Variants in EPS8 observed in about 807,000 individuals in gnomAD.
EPS8 encodes the protein EGFR pathway substrate 8, signaling adaptor, also known as epidermal growth factor receptor kinase substrate 8.
A neutral mutation model predicts 103.8 loss-of-function variants in EPS8; 42 were observed. The observed-to-expected ratio is 0.40, with a 90% CI of 0.32 to 0.52. The LOEUF (loss-of-function observed/expected upper bound fraction) is 0.52. EPS8 is among the 20% of genes least tolerant of loss of function. EPS8 has a pLI of 0.40. For synonymous variants in EPS8, 344 were observed against 344.6 expected, an observed-to-expected ratio of 1.00 and a Z score of 0.02; for missense variants, 969 against 1,005.1, an observed-to-expected ratio of 0.96 and a Z score of 0.49.
intron 1 of EPS8, among the ~76,000 whole-genome samples, chr12:15,740,105 T>C (rs1282403957): frequency 6.6e-6 from 1 of 152,090 alleles, no homozygotes; most frequent in African/African-American, 2.4e-5. Context: ...ACTAGAAATC[T>C]TGTGAGCAAA....
At chr12:15,718,625 C>T (rs946635874) in intron 1 of EPS8, among the ~76,000 whole-genome samples, 26 of 152,138 alleles carry the variant, frequency 1.7e-4, no homozygotes, top group Admixed American at 1.3e-4. Flanking sequence ...AATGGAACTC[C>T]CATCCCCTGT....
In EPS8 at chr12:15,663,950, T is replaced by TAAAA. The variant is rs375723916; in HGVS notation, c.736+1805_736+1806insTTTT. The stretch of plus-strand genomic sequence containing the variant: ...AAAAAAAAAAAAAAAAAAAAAATAA[T>TAAAA]ATATATATATATATATATATATATA... On this transcript the variant is annotated intron_variant, in intron 8 of 20. Transcript: ENST00000281172. Among the ~76,000 whole-genome samples, 4 of 61,772 alleles carry TAAAA rather than the reference T, an allele frequency of 6.5e-5. 1 individual carries two copies. Among genetic ancestry groups the TAAAA allele is most frequent in the African/African-American group, 1.5e-4 (2 of 12,930 alleles). 40.5% of individuals were successfully genotyped at this position (61,772 alleles called of 152,430 possible). A position where few individuals can be genotyped will look rare whatever the true frequency, so the allele number is the denominator to read the frequency against.
chr12:15,739,836 C>T (rs1946802380), intron 1 of EPS8, among the ~76,000 whole-genome samples: 1 of 152,150 alleles, frequency 6.6e-6, no homozygotes, highest in Non-Finnish European at 1.5e-5. Context: ...CTGGAGAACT[C>T]TGACTAGTAC....
intron 3 of EPS8, among the ~76,000 whole-genome samples, chr12:15,680,583 A>G (rs372957083): frequency 9.5e-4 from 144 of 152,246 alleles, no homozygotes; most frequent in African/African-American, 3.4e-3. Context: ...CCACAATATT[A>G]TTCTCATTCT....
rs1946737402 is a variant in EPS8, at chr12:15,733,351, T to C, written c.-21-50379A>G. 6.6e-6 allele frequency among the ~76,000 whole-genome samples: 1 copy of C among 152,058 alleles called. No individual in the cohort carries two copies. The highest frequency in any genetic ancestry group is 6.6e-5 in the Admixed American group (1 of 15,266). On this transcript the variant is annotated intron_variant, in intron 1 of 20. Coordinates refer to ENST00000281172, the MANE Select transcript of EPS8 (RefSeq NM_004447.6). This position sits in a 1 kb window ranked among gnomAD's most constrained non-coding sequence, Gnocchi z 4.8. Reference sequence around the variant, plus strand: ...ACCATCAGATCTCATGAGAACTCACTCTCTATCGTGAGAACAGCATGGGGA... The same window carrying C: ...ACCATCAGATCTCATGAGAACTCACCCTCTATCGTGAGAACAGCATGGGGA...
chr12:15,762,611 C>A lies in EPS8; in HGVS notation c.-22+26550G>T, dbSNP rs1164540054. 6.6e-6 allele frequency among the ~76,000 whole-genome samples: 1 copy of A among 152,124 alleles called. No homozygotes were observed. The highest frequency in any genetic ancestry group is 2.1e-4 in the South Asian group (1 of 4,812). The stretch of plus-strand genomic sequence containing the variant: ...ATGGAGTACTATTCATAAAATGAAT[C>A]CTGTCATTTGCAACAATACAGGTGG... On this transcript the variant is annotated intron_variant, in intron 1 of 20. Coordinates refer to ENST00000281172, the MANE Select transcript of EPS8 (RefSeq NM_004447.6). The surrounding 1 kb of genome is among the most constrained non-coding windows in gnomAD (Gnocchi z 4.8).
chr12:15,734,068 G>A lies in EPS8; in HGVS notation c.-21-51096C>T, dbSNP rs1218613406. ...TTGCCCAGACTAGTCTCAAACTCCT[G>A]AGCTCAAGTAATCCTCCCATCTCAG... On this transcript the variant is annotated intron_variant, in intron 1 of 20. Coordinates refer to ENST00000281172, the MANE Select transcript of EPS8 (RefSeq NM_004447.6). The surrounding 1 kb of genome is among the most constrained non-coding windows in gnomAD (Gnocchi z 4.1). Among the ~76,000 whole-genome samples the A allele has an allele frequency of 3.3e-5, 5 of 151,964 alleles. No homozygotes were observed. The East Asian group carries it at 9.7e-4, about 29-fold the overall frequency.
rs1417190126 is a variant in EPS8, at chr12:15,731,104, C to T, written c.-21-48132G>A. Among the ~76,000 whole-genome samples, 1 of 152,110 alleles carries T rather than the reference C, an allele frequency of 6.6e-6. No individual in the cohort carries two copies. The highest frequency in any genetic ancestry group is 1.5e-5 in the Non-Finnish European group (1 of 68,024). On this transcript the variant is annotated intron_variant, in intron 1 of 20. Transcript: ENST00000281172. This position sits in a 1 kb window ranked among gnomAD's most constrained non-coding sequence, Gnocchi z 5.1. ...ACCTTAAAGGCATATCTATATATGA[C>T]ATAGAAATTCATCTTTTTTAGATAG...
At chr12:15,630,844 C>G (rs1945032574) in intron 18 of EPS8, among the ~76,000 whole-genome samples, 1 of 152,170 alleles carries the variant, frequency 6.6e-6, no homozygotes, top group Non-Finnish European at 1.5e-5. Flanking sequence ...AACTCTGTTG[C>G]TGGGGACTGT....
intron 19 of EPS8, among the ~76,000 whole-genome samples, chr12:15,624,024 G>A (rs898914133): frequency 6.6e-6 from 1 of 152,174 alleles, no homozygotes; most frequent in Non-Finnish European, 1.5e-5. Flanking sequence ...ATTCGAAAAT[G>A]GGGTGGCATC....
chr12:15,663,503 C>T (rs1311977872), intron 8 of EPS8, among the ~76,000 whole-genome samples: 1 of 152,076 alleles, frequency 6.6e-6, no homozygotes, highest in African/African-American at 2.4e-5. Flanking sequence ...TCTGTTTAGG[C>T]TAGTGGTAAA....
chr12:15,683,043 A>C lies in EPS8; in HGVS notation c.-21-71T>G, dbSNP rs1401988297. ...GACATCTCAGTTTCAAAAGTTATTC[A>C]TTCAACAAATATGTGTTGCTGCCAG... On this transcript the variant is annotated intron_variant, in intron 1 of 20. Coordinates refer to ENST00000281172, the MANE Select transcript of EPS8 (RefSeq NM_004447.6). The C allele has an allele frequency of 5.5e-6, 4 of 733,690 alleles. No homozygotes were observed. In the African/African-American group the frequency reaches 7.3e-5, roughly 13 times the overall value. The allele number at this position is 733,690 out of a possible 1,614,324, so 45.4% of individuals were successfully genotyped here. A position where few individuals can be genotyped will look rare whatever the true frequency, so the allele number is the denominator to read the frequency against.
At chr12:15,644,714 A>C (rs1440130970) in intron 15 of EPS8, among the ~76,000 whole-genome samples, 4 of 142,424 alleles carry the variant, frequency 2.8e-5, no homozygotes, top group African/African-American at 5.2e-5. Context: ...AAAAAAAAAA[A>C]CTGTTAAATT....
chr12:15,739,142 C>T (rs1202221955), intron 1 of EPS8, among the ~76,000 whole-genome samples: 1 of 152,124 alleles, frequency 6.6e-6, no homozygotes, highest in East Asian at 1.9e-4. Context: ...TTTACAATAA[C>T]CTGAGAATAG....
intron 1 of EPS8, among the ~76,000 whole-genome samples, chr12:15,765,804 T>G (rs1947087504): frequency 7.1e-6 from 1 of 141,212 alleles, no homozygotes; most frequent in African/African-American, 2.6e-5. Flanking sequence ...AGAAAAGTGG[T>G]TTTTTTTTTT....
Position 15,716,629 on chromosome 12 carries a change from C to T in EPS8, c.-21-33657G>A, listed in dbSNP as rs541626032. Among the ~76,000 whole-genome samples, 385 of 152,224 alleles carry T rather than the reference C, an allele frequency of 2.5e-3. 2 individuals are homozygous for T. Among genetic ancestry groups the T allele is most frequent in the African/African-American group, 8.9e-3 (368 of 41,544 alleles). On this transcript the variant is annotated intron_variant, in intron 1 of 20. Coordinates refer to ENST00000281172, the MANE Select transcript of EPS8 (RefSeq NM_004447.6). This position sits in a 1 kb window ranked among gnomAD's most constrained non-coding sequence, Gnocchi z 5.0. Reference sequence around the variant, plus strand: ...CCAAAGCTCTTGAAGCTGGAAATTGCACACACACACATCTTTACTGGTAAC... The same window carrying T: ...CCAAAGCTCTTGAAGCTGGAAATTGTACACACACACATCTTTACTGGTAAC...
intron 1 of EPS8, among the ~76,000 whole-genome samples, chr12:15,742,341 G>A (rs1172386939): frequency 1.3e-5 from 2 of 152,146 alleles, no homozygotes; most frequent in Non-Finnish European, 2.9e-5. Flanking sequence ...CAGTGTAAAA[G>A]CATTCCTGTT....
Position 15,760,189 on chromosome 12 carries a change from A to G in EPS8, c.-22+28972T>C, listed in dbSNP as rs998463668. On this transcript the variant is annotated intron_variant, in intron 1 of 20. Transcript: ENST00000281172. The surrounding 1 kb of genome is among the most constrained non-coding windows in gnomAD (Gnocchi z 4.5). ...ACTAAGAGCAACTATATGCCAATAAACTGGAAAATCTAGAAGAAATGGACA... is the reference window on the plus strand; with the variant it reads ...ACTAAGAGCAACTATATGCCAATAAGCTGGAAAATCTAGAAGAAATGGACA... 2.6e-4 allele frequency among the ~76,000 whole-genome samples: 39 copies of G among 152,092 alleles called. No homozygotes were observed. Among genetic ancestry groups the G allele is most frequent in the African/African-American group, 9.2e-4 (38 of 41,452 alleles).
chr12:15,767,445 C>T lies in EPS8; in HGVS notation c.-22+21716G>A, dbSNP rs74401126. 2.8e-4 allele frequency among the ~76,000 whole-genome samples: 43 copies of T among 152,212 alleles called. 2 individuals are homozygous for T. In the East Asian group the frequency reaches 7.0e-3, roughly 25 times the overall value. ...CAACAGGTTGCACACAGAAAAAAGC[C>T]GTTAAATGACACAGTGGCATAAAAT... On this transcript the variant is annotated intron_variant, in intron 1 of 20. Coordinates refer to ENST00000281172, the MANE Select transcript of EPS8 (RefSeq NM_004447.6). The surrounding 1 kb of genome is among the most constrained non-coding windows in gnomAD (Gnocchi z 5.5).
Sources: gnomAD v4.1 joint callset for allele counts (sites outside exome capture counted in the v4.1 genomes callset) on GRCh38, gnomAD v4.1.1 for gene constraint, Gnocchi (gnomAD v3.1) non-coding constraint, MANE v1.5 for transcripts, NCBI Gene and HGNC (gene_info 2026-07-23, HGNC 2026-07-21) for gene names.